ARHGEF7: variants seen among roughly 807,000 people sequenced by gnomAD.
ARHGEF7 encodes PAK-interacting exchange factor beta.
In ARHGEF7, 33 loss-of-function variants were observed where a neutral mutation model predicts 109.8. The observed-to-expected ratio is 0.30, with a 90% CI of 0.23 to 0.40. ARHGEF7 has a LOEUF of 0.40. ARHGEF7 is among the 10% of genes least tolerant of loss of function. ARHGEF7 has a pLI of 1.00. For synonymous variants in ARHGEF7, 458 were observed against 424.6 expected, an observed-to-expected ratio of 1.08 and a Z score of -0.97; for missense variants, 938 against 1,098.5, an observed-to-expected ratio of 0.85 and a Z score of 2.07.
chr13:111,130,461 G>A lies in ARHGEF7; in HGVS notation c.165+14770G>A, dbSNP rs567817368. Among the ~76,000 whole-genome samples the A allele has an allele frequency of 1.2e-4, 18 of 152,248 alleles. 1 individual carries two copies. The highest frequency in any genetic ancestry group is 7.7e-4 in the East Asian group (4 of 5,192). Reference sequence around the variant, plus strand: ...CTGTCCCCTACTTTTGAACCTAATCGTGAATTTAGAAAATGTATAGAATTT... The same window carrying A: ...CTGTCCCCTACTTTTGAACCTAATCATGAATTTAGAAAATGTATAGAATTT... On this transcript the variant is annotated intron_variant, in intron 1 of 21. Transcript: ENST00000646102.
chr13:111,218,952 T>A (rs1351047701), intron 5 of ARHGEF7, among the ~76,000 whole-genome samples: 1 of 152,214 alleles, frequency 6.6e-6, no homozygotes, highest in African/African-American at 2.4e-5. Flanking sequence ...GCAGCCCTTA[T>A]TTGTAAACTT....
At chr13:111,159,172 A>T (rs756748396) in intron 2 of ARHGEF7, 1 of 692,214 alleles carries the variant, frequency 1.4e-6, no homozygotes, top group Non-Finnish European at 2.7e-6. Context: ...TCTTAGCACA[A>T]TGTTCTCCAG....
At chr13:111,229,420 T>C (rs973464366) in intron 5 of ARHGEF7, among the ~76,000 whole-genome samples, 1 of 152,260 alleles carries the variant, frequency 6.6e-6, no homozygotes, top group Non-Finnish European at 1.5e-5. Context: ...ATTTCCATTT[T>C]AGTGACCATA....
intron 1 of ARHGEF7, among the ~76,000 whole-genome samples, chr13:111,153,000 A>G (rs1015233746): frequency 6.6e-6 from 1 of 152,230 alleles, no homozygotes; most frequent in Non-Finnish European, 1.5e-5. Flanking sequence ...CGGTGGATCC[A>G]CAATTTCTTC....
At chr13:111,221,946 C>T (rs763875184) in intron 5 of ARHGEF7, among the ~76,000 whole-genome samples, 62 of 152,198 alleles carry the variant, frequency 4.1e-4, no homozygotes, top group Admixed American at 7.2e-4. Flanking sequence ...TGTTTGAGGG[C>T]AAGAAGCATC....
At position 111,305,015 on chromosome 13, in the gene ARHGEF7, G is replaced by T. The variant is rs755175944; in HGVS notation, c.*1902G>T. ...GATCTCTCCGCCCCTCTGCCGGGAGGCGACATTAACTGTCCTCTCGGAGCC... is the reference window on the plus strand; with the variant it reads ...GATCTCTCCGCCCCTCTGCCGGGAGTCGACATTAACTGTCCTCTCGGAGCC... On this transcript the variant is annotated 3_prime_UTR_variant, in exon 22 of 22. Coordinates refer to ENST00000646102, the MANE Select transcript of ARHGEF7 (RefSeq NM_001354046.2). 14 of 152,238 alleles carry T rather than the reference G, an allele frequency of 9.2e-5. No individual in the cohort carries two copies. Among genetic ancestry groups the T allele is most frequent in the Non-Finnish European group, 1.9e-4 (13 of 68,044 alleles). 9.4% of individuals were successfully genotyped at this position (152,238 alleles called of 1,614,324 possible).
chr13:111,220,776 C>T (rs117726077), intron 5 of ARHGEF7, among the ~76,000 whole-genome samples: 2,424 of 152,094 alleles, frequency 0.016, 26 homozygotes, highest in Middle Eastern at 0.065. Flanking sequence ...TTGTTCTACC[C>T]GAAGCCACTA....
intron 1 of ARHGEF7, among the ~76,000 whole-genome samples, chr13:111,147,218 G>T (rs947848294): frequency 6.6e-6 from 1 of 152,200 alleles, no homozygotes; most frequent in Non-Finnish European, 1.5e-5. Context: ...AAATACCTAG[G>T]AAAGGAATTG....
intron 2 of ARHGEF7, among the ~76,000 whole-genome samples, chr13:111,179,446 C>G (rs2078519303): frequency 6.6e-6 from 1 of 151,996 alleles, no homozygotes; most frequent in Admixed American, 6.5e-5. Context: ...TCCCATGATC[C>G]TTACCTCTGA....
chr13:111,181,173 A>G (rs1242159476), intron 2 of ARHGEF7, among the ~76,000 whole-genome samples: 1 of 152,212 alleles, frequency 6.6e-6, no homozygotes, highest in East Asian at 1.9e-4. Flanking sequence ...TACATTGTGA[A>G]ATACATTTTT....
rs1289140482 is a variant in ARHGEF7 at position 111,160,837 on chromosome 13, T to A, written c.252+6846T>A. 2.0e-5 allele frequency among the ~76,000 whole-genome samples: 3 copies of A among 152,164 alleles called. No homozygotes were observed. The East Asian group carries it at 5.8e-4, about 29-fold the overall frequency. ...TGTCTCCTGCTGCCCTGTGAAGAGG[T>A]GCTTTTCGCCATGATTGTAAGTTTC... On this transcript the variant is annotated intron_variant, in intron 2 of 21. Transcript: ENST00000646102.
At chr13:111,220,449 A>G (rs2083683050) in intron 5 of ARHGEF7, among the ~76,000 whole-genome samples, 1 of 152,192 alleles carries the variant, frequency 6.6e-6, no homozygotes, top group Non-Finnish European at 1.5e-5. Flanking sequence ...TTTACTTTTC[A>G]TGTATTTCTC....
At chr13:111,153,721 G>A (rs1181261267) in intron 1 of ARHGEF7, 184 bp from the exon 2 acceptor site, 3 of 1,331,756 alleles carry the variant, frequency 2.3e-6, no homozygotes, top group South Asian at 1.9e-5. Context: ...AAGAAAAAAG[G>A]GTGAGGAGAA....
intron 2 of ARHGEF7, among the ~76,000 whole-genome samples, chr13:111,183,683 G>C (rs1023250985): frequency 3.9e-5 from 6 of 152,056 alleles, no homozygotes; most frequent in Non-Finnish European, 5.9e-5. Context: ...CCCCATTATG[G>C]CCTCTTTATG....
intron 2 of ARHGEF7, among the ~76,000 whole-genome samples, chr13:111,174,911 G>A (rs1343367031): frequency 6.6e-6 from 1 of 152,222 alleles, no homozygotes; most frequent in Non-Finnish European, 1.5e-5. Flanking sequence ...ACATGTGCTT[G>A]TGCGTGTCGG....
intron 18 of ARHGEF7, among the ~76,000 whole-genome samples, 168 bp from the exon 19 acceptor site, chr13:111,291,950 G>A (rs1283032121): frequency 1.3e-5 from 2 of 152,154 alleles, no homozygotes; most frequent in Non-Finnish European, 2.9e-5. Flanking sequence ...AAACCCAGCC[G>A]TATATAAGGA....
rs764281725 is a variant in ARHGEF7, at chr13:111,209,905, G to A, written c.371G>A (p.Arg124Gln). 24 of 1,614,006 alleles carry A rather than the reference G, an allele frequency of 1.5e-5. No homozygotes were observed. The highest frequency in any genetic ancestry group is 2.2e-5 in the East Asian group (1 of 44,896). Reference protein sequence around the residue: ...IGLGSDSVCARPSSHRIKSFD... With the variant: ...IGLGSDSVCAQPSSHRIKSFD... ...CTGGGGAGTGACTCCGTGTGTGCCCGGCCCTCGTCTCACCGCATAAAGTCT... is the reference window on the plus strand; with the variant it reads ...CTGGGGAGTGACTCCGTGTGTGCCCAGCCCTCGTCTCACCGCATAAAGTCT... Residue 124 changes from arginine (R) to glutamine (Q), a missense_variant, in exon 4 of 22, where the codon CGG (arginine) becomes CAG (glutamine). Transcript: ENST00000646102.
chr13:111,138,294 C>T (rs755764346), intron 1 of ARHGEF7, among the ~76,000 whole-genome samples: 1 of 151,882 alleles, frequency 6.6e-6, no homozygotes, highest in Non-Finnish European at 1.5e-5. Context: ...GCCTTGGCAA[C>T]AAGAGCGAAA....
At chr13:111,278,181 T>G (rs1287380159) in intron 13 of ARHGEF7, among the ~76,000 whole-genome samples, 1 of 152,254 alleles carries the variant, frequency 6.6e-6, no homozygotes, top group Non-Finnish European at 1.5e-5. Flanking sequence ...TGAGAAAATG[T>G]GACAGCAGAT....
Sources: allele counts gnomAD v4.1 joint callset (sites outside exome capture counted in the v4.1 genomes callset), GRCh38; gene constraint gnomAD v4.1.1; transcripts MANE v1.5; gene names NCBI Gene and HGNC (gene_info 2026-07-23, HGNC 2026-07-21).